TSHZ2: variants seen among roughly 807,000 people sequenced by gnomAD.
The protein encoded by TSHZ2 is teashirt zinc finger homeobox 2, also known as teashirt homolog 2.
A neutral mutation model predicts 74.4 loss-of-function variants in TSHZ2; 21 were observed. The observed-to-expected ratio is 0.28, with a 90% CI of 0.20 to 0.41. The LOEUF (loss-of-function observed/expected upper bound fraction) is 0.41, where lower values mean the gene tolerates loss of function less well. TSHZ2 is among the 10% of genes least tolerant of loss of function. The pLI is 1.00. For missense variants in TSHZ2, 1,244 were observed against 1,293.5 expected (o/e 0.96, Z 0.59); for synonymous variants, 540 against 515.3 (o/e 1.05, Z -0.65).
chr20:53,203,720 A>G (rs1028969366), intron 1 of TSHZ2, among the ~76,000 whole-genome samples: 3 of 152,062 alleles, frequency 2.0e-5, no homozygotes, highest in Non-Finnish European at 1.5e-5. Context: ...AGGAAAATAA[A>G]TTTTTATGCG....
At chr20:53,310,901 G>A (rs373192916) in intron 2 of TSHZ2, among the ~76,000 whole-genome samples, 3 of 152,272 alleles carry the variant, frequency 2.0e-5, no homozygotes, top group Admixed American at 1.3e-4. Context: ...AAGGAGAAGG[G>A]ACTACACAAG....
intron 1 of TSHZ2, among the ~76,000 whole-genome samples, chr20:53,130,455 T>C (rs558827771): frequency 6.6e-6 from 1 of 152,052 alleles, no homozygotes; most frequent in African/African-American, 2.4e-5. Flanking sequence ...CGAAACCCCA[T>C]CTCTACTAAA....
At chr20:53,411,717 T>C (rs1031477431) in intron 2 of TSHZ2, among the ~76,000 whole-genome samples, 3 of 152,060 alleles carry the variant, frequency 2.0e-5, no homozygotes, top group Admixed American at 2.0e-4. Flanking sequence ...TAATCCCAGC[T>C]GCATGGGAGG....
chr20:53,349,309 C>G (rs767552534), intron 2 of TSHZ2, among the ~76,000 whole-genome samples: 5 of 152,184 alleles, frequency 3.3e-5, no homozygotes, highest in Non-Finnish European at 5.9e-5. Context: ...ATAGCAAAGT[C>G]TTTTAGGTAT....
At chr20:53,129,655 A>G (rs985488376) in intron 1 of TSHZ2, among the ~76,000 whole-genome samples, 5 of 152,160 alleles carry the variant, frequency 3.3e-5, no homozygotes, top group African/African-American at 1.2e-4. Flanking sequence ...CTTATGAAAC[A>G]TGACATTATC....
intron 2 of TSHZ2, among the ~76,000 whole-genome samples, chr20:53,295,168 C>T (rs1178674666): frequency 6.6e-6 from 1 of 152,202 alleles, no homozygotes; most frequent in Non-Finnish European, 1.5e-5. Context: ...ACACTAATTG[C>T]TCACCATACT....
intron 2 of TSHZ2, among the ~76,000 whole-genome samples, chr20:53,360,323 A>G (rs968991747): frequency 6.6e-6 from 1 of 152,234 alleles, no homozygotes; most frequent in Non-Finnish European, 1.5e-5. Flanking sequence ...CCTAAGGTGT[A>G]ATTTACACAG....
At chr20:53,131,940 G>A (rs532125622) in intron 1 of TSHZ2, among the ~76,000 whole-genome samples, 3 of 151,624 alleles carry the variant, frequency 2.0e-5, no homozygotes, top group Admixed American at 6.6e-5. Flanking sequence ...GAGAGGGAGC[G>A]AGCCAGGTTG....
intron 1 of TSHZ2, among the ~76,000 whole-genome samples, chr20:53,095,696 G>T (rs1469422234): frequency 1.3e-5 from 2 of 152,082 alleles, no homozygotes; most frequent in Admixed American, 6.6e-5. Context: ...GGGCTGTCTC[G>T]TGAACTGTAA....
chr20:53,475,158 C>T (rs1198734109), intron 2 of TSHZ2, among the ~76,000 whole-genome samples: 1 of 140,656 alleles, frequency 7.1e-6, no homozygotes, highest in Non-Finnish European at 1.5e-5. Flanking sequence ...CCAAGTGGAC[C>T]TAATGGACAT....
intron 2 of TSHZ2, among the ~76,000 whole-genome samples, chr20:53,288,010 T>G (rs1200277152): frequency 2.0e-5 from 3 of 152,166 alleles, no homozygotes; most frequent in African/African-American, 7.2e-5. Context: ...TATAATTCCA[T>G]TATCGGGAGG....
At chr20:53,402,552 A>T (rs768526185) in intron 2 of TSHZ2, among the ~76,000 whole-genome samples, 11 of 152,168 alleles carry the variant, frequency 7.2e-5, no homozygotes, top group Non-Finnish European at 1.3e-4. Context: ...CTCAAAATGT[A>T]TCCCCATGGT....
At chr20:53,257,240 G>A (rs1990501986) in intron 2 of TSHZ2, among the ~76,000 whole-genome samples, 1 of 152,200 alleles carries the variant, frequency 6.6e-6, no homozygotes, top group Non-Finnish European at 1.5e-5. Flanking sequence ...AGAACATTGA[G>A]ATGAAAAGAA....
chr20:53,280,312 T>C (rs1991030381), intron 2 of TSHZ2, among the ~76,000 whole-genome samples: 1 of 152,198 alleles, frequency 6.6e-6, no homozygotes, highest in Non-Finnish European at 1.5e-5. Flanking sequence ...CAATCCTTTT[T>C]ATAGCCTGGT....
chr20:53,246,539 C>A (rs1990210298), intron 1 of TSHZ2, among the ~76,000 whole-genome samples: 1 of 152,178 alleles, frequency 6.6e-6, no homozygotes, highest in South Asian at 2.1e-4. Flanking sequence ...CATGACCTCT[C>A]TCTCCAAAAC....
At chr20:53,230,873 G>C (rs56101650) in intron 1 of TSHZ2, among the ~76,000 whole-genome samples, 24,510 of 151,220 alleles carry the variant, frequency 0.16, 2,232 homozygotes, top group African/African-American at 0.24. Flanking sequence ...GCCCAGGTGA[G>C]ACTCCATCTC....
chr20:53,028,685 G>A (rs142760914), intron 1 of TSHZ2, among the ~76,000 whole-genome samples: 153 of 152,262 alleles, frequency 1.0e-3, no homozygotes, highest in African/African-American at 3.5e-3. Context: ...AGTGCCTGCC[G>A]GATTGTGAGA....
chr20:53,210,276 C>T (rs1318724194), intron 1 of TSHZ2, among the ~76,000 whole-genome samples: 2 of 152,194 alleles, frequency 1.3e-5, no homozygotes, highest in African/African-American at 4.8e-5. Context: ...TTTGCAAGAG[C>T]AGAGAGCCAA....
At chr20:53,468,890 C>G (rs1568931466) in intron 2 of TSHZ2, among the ~76,000 whole-genome samples, 1 of 149,610 alleles carries the variant, frequency 6.7e-6, no homozygotes, top group Non-Finnish European at 1.5e-5. Flanking sequence ...TTTAAATGTT[C>G]CAAGCCGACT....
Sources: allele counts gnomAD v4.1 joint callset (sites outside exome capture counted in the v4.1 genomes callset), GRCh38; gene constraint gnomAD v4.1.1; transcripts MANE v1.5; gene names NCBI Gene and HGNC (gene_info 2026-07-23, HGNC 2026-07-21).